The following CD163L1 variants were observed in gnomAD, a reference collection of about 807,000 sequenced individuals.
CD163L1 encodes CD163 molecule like 1.
CD163L1 carries 124 observed loss-of-function variants against 165.4 expected under a neutral mutation model. The observed-to-expected ratio is 0.75, with a 90% CI of 0.65 to 0.87. The LOEUF is 0.87. Ranked by LOEUF, CD163L1 falls within the 40% of genes least tolerant of loss-of-function variation. The pLI is 0.00. For missense variants in CD163L1, 1,525 were observed against 1,799.9 expected, an observed-to-expected ratio of 0.85 and a Z score of 2.76; for synonymous variants, 585 against 662.2, an observed-to-expected ratio of 0.88 and a Z score of 1.79.
chr12:7,338,589 G>C, the CD163L1 span, among the ~76,000 whole-genome samples: 1 of 152,104 alleles, frequency 6.6e-6, no homozygotes, highest in Non-Finnish European at 1.5e-5. Context: ...ACACAGATGT[G>C]GTTCTTTTGC....
chr12:7,391,802 C>T (rs1372836802), intron 8 of CD163L1, among the ~76,000 whole-genome samples: 2 of 152,048 alleles, frequency 1.3e-5, no homozygotes, highest in African/African-American at 4.8e-5. Flanking sequence ...GACTTTAAAC[C>T]AACGAAGATC....
chr12:7,380,344 T>TGTATGTGTGTATACGCGTATACAC (rs1947364275), intron 8 of CD163L1, among the ~76,000 whole-genome samples: 24 of 141,452 alleles, frequency 1.7e-4, no homozygotes, highest in Non-Finnish European at 2.8e-4. Context: ...CACGTATACA[T>TGTATGTGTGTATACGCGTATACAC]ACATGTATGT....
Position 7,421,486 on chromosome 12 carries a change from T to TATACACATATATGTACATATAC in CD163L1, c.766+10929_766+10930insGTATATGTACATATATGTGTAT, listed in dbSNP as rs1555202377. On this transcript the variant is annotated intron_variant, in intron 4 of 19. Coordinates refer to ENST00000313599, the MANE Select transcript of CD163L1 (RefSeq NM_174941.6). ...ATACATATATATACATATATGTACA[T>TATACACATATATGTACATATAC]ATATACATATATGTACATATACATA... Among the ~76,000 whole-genome samples, 19 of 105,036 alleles carry TATACACATATATGTACATATAC rather than the reference T, an allele frequency of 1.8e-4. 2 individuals carry two copies. Among genetic ancestry groups the TATACACATATATGTACATATAC allele is most frequent in the South Asian group, 3.1e-4 (1 of 3,200 alleles). The allele number at this position is 105,036 out of a possible 152,430, so 68.9% of individuals were successfully genotyped here.
In CD163L1 at chr12:7,375,341, T is replaced by C. The variant is rs764336743; in HGVS notation, c.2941A>G (p.Met981Val). The change falls in exon 11 of 20, where the codon ATG becomes GTG. Residue 981 changes from methionine to valine, a missense_variant. Coordinates refer to ENST00000313599, the MANE Select transcript of CD163L1 (RefSeq NM_174941.6). ...CAGGGAGGTGCTCCAAGAACTGTCA[T>C]TTGACAGTTATCCAGAAGTGACTCA... is the stretch of plus-strand genomic sequence containing the variant. ...GNESLLDNCQ[M>V]TVLGAPPCIH... 1.5e-5 allele frequency: 25 copies of C among 1,614,138 alleles called. No homozygotes were observed. In the African/African-American group the frequency reaches 1.6e-4, roughly 10 times the overall value.
At position 7,400,212 on chromosome 12, in the gene CD163L1, G is replaced by A. The variant is rs1265782291; in HGVS notation, c.1409-1628C>T. Among the ~76,000 whole-genome samples, 6 of 152,038 alleles carry A rather than the reference G, an allele frequency of 3.9e-5. No homozygotes were observed. Among genetic ancestry groups the A allele is most frequent in the Non-Finnish European group, 7.4e-5 (5 of 67,988 alleles). The stretch of plus-strand genomic sequence containing the variant: ...CATTTTCACAAATTACACTGCTACG[G>A]ACATCCTTACACATAAAGTTTTGAG... On this transcript the variant is annotated intron_variant, in intron 6 of 19. Transcript: ENST00000313599. The surrounding 1 kb of genome is among the most constrained non-coding windows in gnomAD (Gnocchi z 4.1).
Position 7,403,550 on chromosome 12 carries a change from C to T in CD163L1, c.1393G>A (p.Gly465Arg). The T allele has an allele frequency of 6.2e-7, 1 of 1,612,492 alleles. No individual in the cohort carries two copies. The highest frequency in any genetic ancestry group is 8.5e-7 in the Non-Finnish European group (1 of 1,179,198). The change falls in exon 6 of 20, where the codon GGA becomes AGA. Residue 465 changes from glycine to arginine, a missense_variant. Coordinates refer to ENST00000313599, the MANE Select transcript of CD163L1 (RefSeq NM_174941.6). ...TGAACCTTACCAGAACAAATTACTC[C>T]AGCATCTGATCTTCGGAAGCATGTT... ...KRTCFRRSDA[G>R]VICSDKADLD...
Position 7,369,005 on chromosome 12 carries a change from A to G in CD163L1, c.4040-40T>C. On this transcript the variant is annotated intron_variant, in intron 15 of 19. Coordinates refer to ENST00000313599, the MANE Select transcript of CD163L1 (RefSeq NM_174941.6). This position sits in a 1 kb window ranked among gnomAD's most constrained non-coding sequence, Gnocchi z 4.9. ...GAGAGAGAGAGACGTAAATGAACGA[A>G]AAGGAACTGGGTATTTCTTTTTACA... 6.2e-7 allele frequency: 1 copy of G among 1,603,882 alleles called. No individual in the cohort carries two copies. The highest frequency in any genetic ancestry group is 8.5e-7 in the Non-Finnish European group (1 of 1,173,288).
At chr12:7,396,874 A>AG (rs1565794057) in intron 7 of CD163L1, among the ~76,000 whole-genome samples, 8 of 151,940 alleles carry the variant, frequency 5.3e-5, no homozygotes, top group Admixed American at 6.6e-5. Flanking sequence ...GAGAGAGAGA[A>AG]GAGAGGCTCA....
chr12:7,441,339 GA>G (rs1242920421), intron 1 of CD163L1, 93 bp from the exon 2 acceptor site: 34 of 878,936 alleles, frequency 3.9e-5, no homozygotes, highest in Non-Finnish European at 5.9e-5. Flanking sequence ...AAAATAGAAG[GA>G]GTAAGATGAA....
At chr12:7,440,001 G>C (rs1229910529) in intron 2 of CD163L1, 1 of 1,517,956 alleles carries the variant, frequency 6.6e-7, no homozygotes, top group African/African-American at 1.4e-5. Context: ...TAGCAGCTCC[G>C]CAAACCGCCG....
intron 18 of CD163L1, among the ~76,000 whole-genome samples, chr12:7,363,320 A>T (rs1333482369): frequency 6.6e-6 from 1 of 151,972 alleles, no homozygotes; most frequent in Non-Finnish European, 1.5e-5. Context: ...AAAAGGAAAA[A>T]AAACAAGTAG....
rs1947328685 is a variant in CD163L1, at chr12:7,379,018, A to G, written c.2331T>C (p.Thr777=). ...WDCIRWEWKQ[T]ACHLNMEASL... ...TTGCTTCCATATTTAAATGACACGC[A>G]GTCTGTTTCCACTCCCATCGTATAC... Residue 777 remains threonine (T), a synonymous_variant, in exon 9 of 20, where the codon ACT becomes ACC. Transcript: ENST00000313599. 5 of 1,611,302 alleles carry G rather than the reference A, an allele frequency of 3.1e-6. No individual in the cohort carries two copies. In the African/African-American group the frequency reaches 6.7e-5, roughly 22 times the overall value.
At chr12:7,335,540 A>G in the CD163L1 span, among the ~76,000 whole-genome samples, 34 of 151,646 alleles carry the variant, frequency 2.2e-4, 1 homozygote, top group East Asian at 4.7e-3. Context: ...CATAAAAACC[A>G]TAAAAACCTA....
intron 8 of CD163L1, among the ~76,000 whole-genome samples, chr12:7,389,289 CA>C (rs1947592188): frequency 6.6e-6 from 1 of 152,162 alleles, no homozygotes; most frequent in Non-Finnish European, 1.5e-5. Context: ...CTTTTGGACA[CA>C]AACCATTTAA....
At chr12:7,375,650 A>G in intron 10 of CD163L1, 50 bp downstream of exon 10, 1 of 1,610,722 alleles carries the variant, frequency 6.2e-7, no homozygotes, top group Admixed American at 1.7e-5. Context: ...CTCCAGCCCC[A>G]AACTCCCCAT....
At chr12:7,344,093 T>G (rs2136358142), downstream of CD163L1, among the ~76,000 whole-genome samples, 1 of 150,788 alleles carries the variant, frequency 6.6e-6, no homozygotes, top group East Asian at 1.9e-4. Flanking sequence ...TTTTGTTTGT[T>G]TTTTTTGAGA....
In CD163L1 at chr12:7,378,198, C is replaced by G. The variant is rs1016953960; in HGVS notation, c.2371+780G>C. ...GTGTATTCAGTTCTGCTGGTTTCAG[C>G]TACTAAATATTTCTGAAATTTGGAA... On this transcript the variant is annotated intron_variant, in intron 9 of 19. Coordinates refer to ENST00000313599, the MANE Select transcript of CD163L1 (RefSeq NM_174941.6). Among the ~76,000 whole-genome samples the G allele has an allele frequency of 1.1e-4, 16 of 152,288 alleles. 1 individual carries two copies. The highest frequency in any genetic ancestry group is 3.9e-4 in the African/African-American group (16 of 41,552).
At chr12:7,350,707 A>G (rs1477709263), downstream of CD163L1, among the ~76,000 whole-genome samples, 1 of 152,106 alleles carries the variant, frequency 6.6e-6, no homozygotes, top group Non-Finnish European at 1.5e-5. Flanking sequence ...TCAATTCTAG[A>G]TGTTTTGATA....
At chr12:7,423,664 A>G (rs1948483437) in intron 4 of CD163L1, among the ~76,000 whole-genome samples, 1 of 152,208 alleles carries the variant, frequency 6.6e-6, no homozygotes, top group Admixed American at 6.5e-5. Context: ...CTGATCCCAC[A>G]GAAATACAAA....
Sources: gnomAD v4.1 joint callset for allele counts (sites outside exome capture counted in the v4.1 genomes callset) on GRCh38, gnomAD v4.1.1 for gene constraint, Gnocchi (gnomAD v3.1) non-coding constraint, MANE v1.5 for transcripts, NCBI Gene and HGNC (gene_info 2026-07-23, HGNC 2026-07-21) for gene names.